The following ACSM6 variants were observed in gnomAD, a reference collection of about 807,000 sequenced individuals.
ACSM6 encodes the protein acyl-coenzyme A synthetase ACSM6, mitochondrial.
A neutral mutation model predicts 51.1 loss-of-function variants in ACSM6; 35 were observed. The observed-to-expected ratio is 0.69, with a 90% confidence interval of 0.52 to 0.91. The LOEUF (loss-of-function observed/expected upper bound fraction) is 0.91, where lower values mean the gene tolerates loss of function less well. Among genes scored for constraint, ACSM6 ranks in the 40% least tolerant of loss-of-function variants. The pLI is 0.00. For missense variants in ACSM6, 509 were observed against 584.1 expected, an observed-to-expected ratio of 0.87 and a Z score of 1.32; for synonymous variants, 172 against 207.3, an observed-to-expected ratio of 0.83 and a Z score of 1.46.
At chr10:95,206,717 T>C (rs1027974077) in intron 3 of ACSM6, among the ~76,000 whole-genome samples, 4 of 152,158 alleles carry the variant, frequency 2.6e-5, no homozygotes, top group Non-Finnish European at 5.9e-5. Context: ...GCCAGTCTCA[T>C]AGGAGGTCCA....
At chr10:95,218,362 G>C (rs2034965053) in intron 8 of ACSM6, among the ~76,000 whole-genome samples, 1 of 152,208 alleles carries the variant, frequency 6.6e-6, no homozygotes, top group Non-Finnish European at 1.5e-5. Context: ...AAACAAGCCT[G>C]AGCAAAAGTG....
At position 95,202,034 on chromosome 10, in the gene ACSM6, G is replaced by T. The variant is rs909823672; in HGVS notation, c.242G>T (p.Gly81Val). Residue 81 changes from glycine to valine, a missense_variant, in exon 3 of 11, where the codon GGA (glycine) becomes GTA (valine). Physicochemically the swap from Gly to Val is moderately radical, Grantham distance 109 (BLOSUM62 -3). Coordinates refer to ENST00000341686, the Ensembl canonical transcript of ACSM6. ...GCCCTCTGGAAGGTTAGTGCCAAAG[G>T]AGAAGAGGACAAATGGAGCTTTGAA... 22 of 1,551,654 alleles carry T rather than the reference G, an allele frequency of 1.4e-5. 1 individual carries two copies. The South Asian group carries it at 2.4e-4, about 17-fold the overall frequency.
exon 2 of ACSM6, chr10:95,194,654 G>A: frequency 6.4e-7 from 1 of 1,551,964 alleles, no homozygotes; most frequent in Non-Finnish European, 8.7e-7. Flanking sequence ...GGATGTGTTG[G>A]ATCAGTGGTC....
intron 2 of ACSM6, among the ~76,000 whole-genome samples, chr10:95,199,228 C>G (rs910762673): frequency 2.0e-5 from 3 of 152,150 alleles, no homozygotes; most frequent in African/African-American, 7.2e-5. Flanking sequence ...TTTGACAAAC[C>G]TGACAAAAAC....
intron 3 of ACSM6, among the ~76,000 whole-genome samples, chr10:95,203,040 G>T (rs2034809920): frequency 6.6e-6 from 1 of 152,068 alleles, no homozygotes; most frequent in African/African-American, 2.4e-5. Context: ...AGCAGGAGAT[G>T]CGCAGAGGGC....
chr10:95,213,329 G>A (rs1057258079), intron 7 of ACSM6, among the ~76,000 whole-genome samples: 2 of 152,000 alleles, frequency 1.3e-5, no homozygotes, highest in South Asian at 2.1e-4. Context: ...CAGAGCAAAC[G>A]GGAAATGAGT....
In ACSM6 at chr10:95,212,072, G is replaced by A. The variant is rs1174102312; in HGVS notation, c.912+38G>A. The A allele has an allele frequency of 1.9e-6, 3 of 1,611,836 alleles. No homozygotes were observed. The South Asian group carries it at 3.3e-5, about 18-fold the overall frequency. On this transcript the variant is annotated intron_variant, in intron 6 of 10. Coordinates refer to ENST00000341686, the Ensembl canonical transcript of ACSM6. Reference sequence around the variant, plus strand: ...CCTAGTGTGGAATGTGTGGGACAAAGGCCAGAGAGAGGCATTAGCAATGAC... The same window carrying A: ...CCTAGTGTGGAATGTGTGGGACAAAAGCCAGAGAGAGGCATTAGCAATGAC...
At chr10:95,195,732 C>T (rs1332141407) in intron 2 of ACSM6, among the ~76,000 whole-genome samples, 5 of 151,874 alleles carry the variant, frequency 3.3e-5, no homozygotes, top group East Asian at 1.9e-4. Flanking sequence ...CTTCATCACC[C>T]GCTTTGGGAG....
chr10:95,203,516 G>C (rs1288702488), intron 3 of ACSM6, among the ~76,000 whole-genome samples: 2 of 152,066 alleles, frequency 1.3e-5, no homozygotes, highest in Non-Finnish European at 2.9e-5. Context: ...GTCCTTGAGA[G>C]TCACCCTGAA....
chr10:95,201,191 T>G (rs576498872), intron 2 of ACSM6, among the ~76,000 whole-genome samples: 1 of 152,288 alleles, frequency 6.6e-6, no homozygotes, highest in African/African-American at 2.4e-5. Context: ...AAATTTAGAC[T>G]CAGGAGGTGC....
At chr10:95,211,266 G>A (rs572835375) in intron 5 of ACSM6, among the ~76,000 whole-genome samples, 27 of 152,240 alleles carry the variant, frequency 1.8e-4, no homozygotes, top group Non-Finnish European at 3.7e-4. Flanking sequence ...GGTATCTCTC[G>A]GCAAATTCAA....
intron 2 of ACSM6, among the ~76,000 whole-genome samples, chr10:95,201,244 C>T (rs950343984): frequency 1.3e-5 from 2 of 152,148 alleles, no homozygotes; most frequent in African/African-American, 2.4e-5. Context: ...AATGGTGAGG[C>T]TTGAGCTTCT....
intron 8 of ACSM6, among the ~76,000 whole-genome samples, chr10:95,217,780 T>A (rs916082305): frequency 7.2e-5 from 11 of 152,252 alleles, no homozygotes; most frequent in Admixed American, 1.3e-4. Flanking sequence ...TGGAGCTATG[T>A]AGTTCCATAT....
chr10:95,228,651 G>A lies in ACSM6; in HGVS notation c.1310G>A (p.Trp437Ter). ...GATTCATCATTCTATCAGGTGAGCT[G>A]GGAGGAATATGCTTCAGCAAGAGGC... The change falls in exon 11 of 11, where the codon TGG becomes TAG. Residue 437 changes from tryptophan to a stop codon, truncating the protein, a stop_gained. Transcript: ENST00000341686. LOFTEE classifies it low-confidence loss of function (END_TRUNC). The A allele has an allele frequency of 3.2e-6, 5 of 1,551,338 alleles. No individual in the cohort carries two copies. In the Middle Eastern group the frequency reaches 6.7e-4, roughly 207 times the overall value.
chr10:95,226,502 C>T (rs143350774), intron 10 of ACSM6: 4 of 152,300 alleles, frequency 2.6e-5, no homozygotes, highest in East Asian at 3.9e-4. Flanking sequence ...GAGAGCAGGA[C>T]GTCAAGAGTG....
At position 95,210,642 on chromosome 10, in the gene ACSM6, G is replaced by A. The variant is rs1168562934; in HGVS notation, c.612-8G>A. Reference sequence around the variant, plus strand: ...AGATCTCACTGTTGCCTCTTTCCTGGCTTACAGAGTTGCCCCTCCAAAGCA... The same window carrying A: ...AGATCTCACTGTTGCCTCTTTCCTGACTTACAGAGTTGCCCCTCCAAAGCA... On this transcript the variant is annotated splice_polypyrimidine_tract_variant and splice_region_variant and intron_variant, in intron 4 of 10. Transcript: ENST00000341686. 3.7e-6 allele frequency: 6 copies of A among 1,612,064 alleles called. No individual in the cohort carries two copies. The East Asian group carries it at 8.9e-5, about 24-fold the overall frequency.
intron 10 of ACSM6, 62 bp downstream of exon 10, chr10:95,225,453 T>A (rs972105031): frequency 9.2e-5 from 107 of 1,166,374 alleles, no homozygotes; most frequent in Middle Eastern, 2.0e-4. Context: ...AGTGCCATTA[T>A]TGTTGAGTAC....
intron 4 of ACSM6, among the ~76,000 whole-genome samples, chr10:95,208,520 T>G (rs954511218): frequency 6.6e-6 from 1 of 152,106 alleles, no homozygotes; most frequent in African/African-American, 2.4e-5. Flanking sequence ...AAATACTTAT[T>G]AAAATAGCGA....
intron 4 of ACSM6, among the ~76,000 whole-genome samples, chr10:95,208,383 T>G (rs1437099196): frequency 6.6e-6 from 1 of 152,132 alleles, no homozygotes; most frequent in Non-Finnish European, 1.5e-5. Flanking sequence ...AGGTACACCA[T>G]TTTGGTGATG....
Sources: gnomAD v4.1 joint callset for allele counts (sites outside exome capture counted in the v4.1 genomes callset) on GRCh38, gnomAD v4.1.1 for gene constraint, MANE v1.5 for transcripts, NCBI Gene and HGNC (gene_info 2026-07-23, HGNC 2026-07-21) for gene names.